ZNF736: variants seen among roughly 807,000 people sequenced by gnomAD.
ZNF736 encodes zinc finger protein 736.
In ZNF736, 6 loss-of-function variants were observed where a neutral mutation model predicts 11.7. The observed-to-expected ratio is 0.51, with a 90% CI of 0.28 to 1.01. The LOEUF (loss-of-function observed/expected upper bound fraction) is 1.01. ZNF736 is among the 50% of genes least tolerant of loss of function. The pLI is 0.09. For synonymous variants in ZNF736, 139 were observed against 164.7 expected (o/e 0.84, Z 1.19); for missense variants, 444 against 496.0 (o/e 0.90, Z 1.00).
At position 64,353,830 on chromosome 7, in the gene ZNF736, G is replaced by T. The variant is rs1158558117; in HGVS notation, c.*4683G>T. Reference sequence around the variant, plus strand: ...AATTGCCTTACCATTTGCAAATTAAGGTAATTAAAATACAGTGAATTTCAA... The same window carrying T: ...AATTGCCTTACCATTTGCAAATTAATGTAATTAAAATACAGTGAATTTCAA... On this transcript the variant is annotated 3_prime_UTR_variant, in exon 4 of 4. Transcript: ENST00000423484. 6.6e-6 allele frequency: 1 copy of T among 152,158 alleles called. No individual in the cohort carries two copies. The highest frequency in any genetic ancestry group is 6.5e-5 in the Admixed American group (1 of 15,268). 9.4% of individuals were successfully genotyped at this position (152,158 alleles called of 1,614,324 possible).
chr7:64,356,499 T>A lies in ZNF736; in HGVS notation c.*7352T>A, dbSNP rs1789555172. On this transcript the variant is annotated 3_prime_UTR_variant, in exon 4 of 4. Transcript: ENST00000423484. ...AAAAATCTATCAATTTTGAATTGCA[T>A]ACCTAGCTAAATTTTTTTAAGATTG... 6.6e-6 allele frequency among the ~76,000 whole-genome samples: 1 copy of A among 152,170 alleles called. No homozygotes were observed. The highest frequency in any genetic ancestry group is 1.5e-5 in the Non-Finnish European group (1 of 68,018).
At chr7:64,328,248 G>GTTT (rs1466631977) in intron 1 of ZNF736, among the ~76,000 whole-genome samples, 15 of 26,876 alleles carry the variant, frequency 5.6e-4, no homozygotes, top group South Asian at 4.7e-3. Flanking sequence ...TTTGTCAGTT[G>GTTT]TTTTTGTTTT....
intron 1 of ZNF736, among the ~76,000 whole-genome samples, chr7:64,335,536 A>C (rs1052019280): frequency 1.2e-4 from 18 of 152,124 alleles, no homozygotes; most frequent in Admixed American, 9.8e-4. Flanking sequence ...ACGCTTTCTG[A>C]CAGATATTTT....
chr7:64,350,349 T>G lies in ZNF736; in HGVS notation c.*1202T>G, dbSNP rs1160796447. ...TCCTCTGCTTGGCCTATTCTGCTGT[T>G]AATATATGTGATTACATTATAAAGG... On this transcript the variant is annotated 3_prime_UTR_variant, in exon 4 of 4. Coordinates refer to ENST00000423484, the MANE Select transcript of ZNF736 (RefSeq NM_001170905.3). 6.6e-6 allele frequency: 1 copy of G among 152,244 alleles called. No individual in the cohort carries two copies. The highest frequency in any genetic ancestry group is 2.4e-5 in the African/African-American group (1 of 41,458). The allele number at this position is 152,244 out of a possible 1,614,324, so 9.4% of individuals were successfully genotyped here.
intron 1 of ZNF736, among the ~76,000 whole-genome samples, chr7:64,320,990 T>A (rs1365334309): frequency 2.6e-5 from 4 of 152,198 alleles, no homozygotes; most frequent in Non-Finnish European, 5.9e-5. Context: ...CTAAGGCATG[T>A]TACCTAGAAG....
intron 3 of ZNF736, among the ~76,000 whole-genome samples, chr7:64,338,276 T>A (rs977255566): frequency 6.6e-6 from 1 of 152,226 alleles, no homozygotes; most frequent in Non-Finnish European, 1.5e-5. Flanking sequence ...ATTGATTTTG[T>A]ATGTGTATAC....
At chr7:64,341,491 A>G (rs1435864414) in intron 3 of ZNF736, among the ~76,000 whole-genome samples, 1 of 152,140 alleles carries the variant, frequency 6.6e-6, no homozygotes, top group African/African-American at 2.4e-5. Flanking sequence ...TGTAATTTCT[A>G]AGTTAAAGAG....
At chr7:64,332,425 A>G (rs1175173447) in intron 1 of ZNF736, among the ~76,000 whole-genome samples, 1 of 152,178 alleles carries the variant, frequency 6.6e-6, no homozygotes, top group African/African-American at 2.4e-5. Flanking sequence ...GAGTAGGTAC[A>G]AAGATCACAT....
chr7:64,322,725 C>T (rs661173), intron 1 of ZNF736, among the ~76,000 whole-genome samples: 148,061 of 152,312 alleles, frequency 0.97, 72,063 homozygotes, highest in Non-Finnish European at 1. Context: ...GATTATTTAT[C>T]GTTGAGTATA....
chr7:64,315,510 G>T (rs1267338318), intron 1 of ZNF736, among the ~76,000 whole-genome samples: 1 of 152,128 alleles, frequency 6.6e-6, no homozygotes, highest in African/African-American at 2.4e-5. Context: ...CTTGTGGTTG[G>T]TTAAGCCTAA....
Position 64,350,130 on chromosome 7 carries a change from A to C in ZNF736, c.*983A>C, listed in dbSNP as rs1466669214. 1 of 152,050 alleles carries C rather than the reference A, an allele frequency of 6.6e-6. No individual in the cohort carries two copies. Among genetic ancestry groups the C allele is most frequent in the Non-Finnish European group, 1.5e-5 (1 of 68,018 alleles). The allele number at this position is 152,050 out of a possible 1,614,324, so 9.4% of individuals were successfully genotyped here. A position where few individuals can be genotyped will look rare whatever the true frequency, so the allele number is the denominator to read the frequency against. On this transcript the variant is annotated 3_prime_UTR_variant, in exon 4 of 4. Transcript: ENST00000423484. Reference sequence around the variant, plus strand: ...CTCTAGGTTGGGGAAGTTCTCATGGATGTTATCCTGAAATACGTATTTCAA... The same window carrying C: ...CTCTAGGTTGGGGAAGTTCTCATGGCTGTTATCCTGAAATACGTATTTCAA...
At chr7:64,330,063 C>T (rs1243364049) in intron 1 of ZNF736, among the ~76,000 whole-genome samples, 2 of 152,188 alleles carry the variant, frequency 1.3e-5, no homozygotes, top group African/African-American at 4.8e-5. Context: ...TACTGCTAGG[C>T]TACTGCTGAT....
Position 64,319,293 on chromosome 7 carries a change from GTA to G in ZNF736, c.3+5142_3+5143del, listed in dbSNP as rs1292600736. Among the ~76,000 whole-genome samples the G allele has an allele frequency of 3.5e-4, 48 of 136,184 alleles. 1 individual carries two copies. The highest frequency in any genetic ancestry group is 1.2e-3 in the African/African-American group (43 of 36,990). 89.3% of individuals were successfully genotyped at this position (136,184 alleles called of 152,430 possible). On this transcript the variant is annotated intron_variant, in intron 1 of 3. Coordinates refer to ENST00000423484, the MANE Select transcript of ZNF736 (RefSeq NM_001170905.3). ...GTATATATAAAATATGTGTATGTATGTATGTGTGTGTGTGTATATGTATGTGT... is the reference window on the plus strand; with the variant it reads ...GTATATATAAAATATGTGTATGTATGTGTGTGTGTGTGTATATGTATGTGT...
In ZNF736 at chr7:64,353,930, A is replaced by G. The variant is rs776611306; in HGVS notation, c.*4783A>G. On this transcript the variant is annotated 3_prime_UTR_variant, in exon 4 of 4. Transcript: ENST00000423484. ...AAATTATTGTTATTGTGTTAAGGCTATTTTACATTGAATGTGTATCTTGCC... is the reference window on the plus strand; with the variant it reads ...AAATTATTGTTATTGTGTTAAGGCTGTTTTACATTGAATGTGTATCTTGCC... 6.6e-6 allele frequency: 1 copy of G among 152,200 alleles called. No homozygotes were observed. Among genetic ancestry groups the G allele is most frequent in the Admixed American group, 6.5e-5 (1 of 15,274 alleles). 9.4% of individuals were successfully genotyped at this position (152,200 alleles called of 1,614,324 possible).
Position 64,348,850 on chromosome 7 carries a change from T to G in ZNF736, c.987T>G (p.Ser329Arg). 1 of 1,602,714 alleles carries G rather than the reference T, an allele frequency of 6.2e-7. No individual in the cohort carries two copies. The highest frequency in any genetic ancestry group is 8.5e-7 in the Non-Finnish European group (1 of 1,174,402). The change falls in exon 4 of 4, where the codon AGT becomes AGG. Residue 329 changes from serine (S) to arginine (R), a missense_variant. Ser to Arg is a moderately radical substitution (Grantham distance 110, BLOSUM62 -1). Transcript: ENST00000423484. The stretch of plus-strand genomic sequence containing the variant: ...CTTTTAAGTGGTTCTCGGCCCTTAG[T>G]AAACATAAGAGAATTCATACTGGAG... ...GKAFKWFSAL[S>R]KHKRIHTGEK...
At chr7:64,328,055 A>G (rs1384753347) in intron 1 of ZNF736, among the ~76,000 whole-genome samples, 1 of 150,652 alleles carries the variant, frequency 6.6e-6, no homozygotes, top group Non-Finnish European at 1.5e-5. Flanking sequence ...CAAAATATGA[A>G]TAGTTTACAC....
rs929697045 is a variant in ZNF736 at position 64,317,792 on chromosome 7, C to G, written c.3+3639C>G. On this transcript the variant is annotated intron_variant, in intron 1 of 3. Transcript: ENST00000423484. The stretch of plus-strand genomic sequence containing the variant: ...TTTATTTTTCTCTTTCTCCAGCTTT[C>G]TATATCCATTAAGTTTACCTCATTT... Among the ~76,000 whole-genome samples the G allele has an allele frequency of 1.4e-4, 21 of 152,120 alleles. 1 individual carries two copies. The highest frequency in any genetic ancestry group is 3.4e-3 in the Middle Eastern group (1 of 294).
chr7:64,350,135 A>T lies in ZNF736; in HGVS notation c.*988A>T, dbSNP rs1477479975. On this transcript the variant is annotated 3_prime_UTR_variant, in exon 4 of 4. Coordinates refer to ENST00000423484, the MANE Select transcript of ZNF736 (RefSeq NM_001170905.3). ...GGTTGGGGAAGTTCTCATGGATGTT[A>T]TCCTGAAATACGTATTTCAAGTTGT... 1 of 152,134 alleles carries T rather than the reference A, an allele frequency of 6.6e-6. No homozygotes were observed. The highest frequency in any genetic ancestry group is 2.4e-5 in the African/African-American group (1 of 41,440). The allele number at this position is 152,134 out of a possible 1,614,324, so 9.4% of individuals were successfully genotyped here. A position where few individuals can be genotyped will look rare whatever the true frequency, so the allele number is the denominator to read the frequency against.
Position 64,354,025 on chromosome 7 carries a change from A to G in ZNF736, c.*4878A>G, listed in dbSNP as rs571585832. On this transcript the variant is annotated 3_prime_UTR_variant, in exon 4 of 4. Transcript: ENST00000423484. ...ATATACTATTGGGTGACAGTGGACTAACATCTCTAGTGATCCCTTTGTCAG... is the reference window on the plus strand; with the variant it reads ...ATATACTATTGGGTGACAGTGGACTGACATCTCTAGTGATCCCTTTGTCAG... 8.5e-5 allele frequency: 13 copies of G among 152,322 alleles called. No homozygotes were observed. The highest frequency in any genetic ancestry group is 2.6e-4 in the African/African-American group (11 of 41,588). The allele number at this position is 152,322 out of a possible 1,614,324, so 9.4% of individuals were successfully genotyped here. A position where few individuals can be genotyped will look rare whatever the true frequency, so the allele number is the denominator to read the frequency against.
Sources: gnomAD v4.1 joint callset for allele counts (sites outside exome capture counted in the v4.1 genomes callset) on GRCh38, gnomAD v4.1.1 for gene constraint, MANE v1.5 for transcripts, NCBI Gene and HGNC (gene_info 2026-07-23, HGNC 2026-07-21) for gene names.